Variants in TANC2 observed in about 807,000 individuals in gnomAD.
The protein encoded by TANC2 is protein TANC2.
TANC2 carries 26 observed loss-of-function variants against 210.5 expected under a neutral mutation model. That is an observed-to-expected ratio of 0.12 (90% confidence interval 0.09 to 0.17). The LOEUF is 0.17. TANC2 is among the 10% of genes least tolerant of loss of function. The pLI is 1.00. For missense variants in TANC2, 2,129 were observed against 2,608.9 expected (o/e 0.82, Z 4.01); for synonymous variants, 931 against 967.1 (o/e 0.96, Z 0.69).
chr17:63,200,987 T>TGTCCTA, intron 7 of TANC2, 30 bp downstream of exon 7: 1 of 1,567,658 alleles, frequency 6.4e-7, no homozygotes. Flanking sequence ...GATAATTTTG[T>TGTCCTA]GTCCTTTTTT....
intron 7 of TANC2, among the ~76,000 whole-genome samples, chr17:63,213,964 G>A (rs868441112): frequency 2.0e-5 from 3 of 152,130 alleles, no homozygotes; most frequent in Admixed American, 2.0e-4. Context: ...ACAAGCCAGG[G>A]AAGCAAGCGT....
Position 63,299,534 on chromosome 17 carries a change from CTT to C in TANC2, c.1160-14838_1160-14837del, listed in dbSNP as rs201041332. On this transcript the variant is annotated intron_variant, in intron 9 of 27. Transcript: ENST00000689528. ...TTCTCTAATGGTCAGTGATGTTAAG[CTT>C]TTTTTTTTTTTTTTTGTATGCTTGT... 6.8e-3 allele frequency among the ~76,000 whole-genome samples: 857 copies of C among 126,476 alleles called. 5 individuals carry two copies. The highest frequency in any genetic ancestry group is 0.019 in the African/African-American group (634 of 33,934). 83.0% of individuals were successfully genotyped at this position (126,476 alleles called of 152,430 possible).
intron 10 of TANC2, among the ~76,000 whole-genome samples, chr17:63,316,024 A>T (rs1181516732): frequency 3.3e-5 from 5 of 152,204 alleles, no homozygotes; most frequent in Non-Finnish European, 7.3e-5. Context: ...CCAACACTCA[A>T]ATTGACTAGA....
intron 5 of TANC2, among the ~76,000 whole-genome samples, chr17:63,161,678 T>C (rs1040203325): frequency 6.6e-6 from 1 of 152,190 alleles, no homozygotes; most frequent in Non-Finnish European, 1.5e-5. Flanking sequence ...ACCATAGATA[T>C]CTTCTCTGTG....
At chr17:63,409,402 T>C (rs2147318726) in intron 21 of TANC2, among the ~76,000 whole-genome samples, 1 of 152,212 alleles carries the variant, frequency 6.6e-6, no homozygotes, top group South Asian at 2.1e-4. Context: ...CCCAGGCTGG[T>C]CTCAGATTTC....
At chr17:63,023,490 G>A (rs993706543) in intron 2 of TANC2, among the ~76,000 whole-genome samples, 2 of 152,186 alleles carry the variant, frequency 1.3e-5, no homozygotes, top group African/African-American at 4.8e-5. Context: ...ACAGGAATAT[G>A]CCATTGTGCC....
intron 9 of TANC2, among the ~76,000 whole-genome samples, chr17:63,283,472 CAAA>C (rs200972497): frequency 0.15 from 21,367 of 142,956 alleles, 1,936 homozygotes; most frequent in Middle Eastern, 0.22. Context: ...TAAATTTCTA[CAAA>C]AAAAAAAACT....
intron 14 of TANC2, among the ~76,000 whole-genome samples, chr17:63,359,975 A>C (rs546997441): frequency 3.3e-5 from 5 of 152,316 alleles, no homozygotes; most frequent in Non-Finnish European, 7.3e-5. Context: ...TTAGTAAGTG[A>C]ATTACACGTT....
At chr17:63,070,267 C>G (rs2036349104) in intron 2 of TANC2, among the ~76,000 whole-genome samples, 1 of 152,124 alleles carries the variant, frequency 6.6e-6, no homozygotes, top group Non-Finnish European at 1.5e-5. Flanking sequence ...CTTTTAGTCA[C>G]CTCGCAAGAG....
At chr17:63,393,455 G>C (rs1487479088) in intron 17 of TANC2, 1 of 152,150 alleles carries the variant, frequency 6.6e-6, no homozygotes, top group Non-Finnish European at 1.5e-5. Context: ...GTCCAAAAAG[G>C]CCTCCAATAC....
At chr17:63,409,706 G>T (rs2048630556) in intron 21 of TANC2, among the ~76,000 whole-genome samples, 1 of 152,128 alleles carries the variant, frequency 6.6e-6, no homozygotes, top group Admixed American at 6.5e-5. Context: ...CTACAAACCT[G>T]TACAGCGTAT....
intron 1 of TANC2, among the ~76,000 whole-genome samples, chr17:62,990,980 T>A (rs1339905668): frequency 6.6e-6 from 1 of 151,980 alleles, no homozygotes; most frequent in Non-Finnish European, 1.5e-5. Flanking sequence ...GTGAAAAGGG[T>A]CAGTTGAGAT....
At chr17:63,098,875 A>G (rs1431156955) in intron 3 of TANC2, among the ~76,000 whole-genome samples, 4 of 151,908 alleles carry the variant, frequency 2.6e-5, no homozygotes, top group Non-Finnish European at 2.9e-5. Context: ...AAAAAGTAAG[A>G]TCATTTCTTT....
At chr17:63,077,061 A>G (rs2036595845) in intron 3 of TANC2, among the ~76,000 whole-genome samples, 1 of 152,244 alleles carries the variant, frequency 6.6e-6, no homozygotes, top group Non-Finnish European at 1.5e-5. Context: ...GCTTAGTACA[A>G]TGGATGAAAA....
At chr17:63,206,055 T>G (rs2041700526) in intron 7 of TANC2, among the ~76,000 whole-genome samples, 1 of 152,176 alleles carries the variant, frequency 6.6e-6, no homozygotes, top group South Asian at 2.1e-4. Flanking sequence ...CATAGACGTT[T>G]CTCCAGAGAA....
At chr17:63,066,639 A>G (rs2036208627) in intron 2 of TANC2, among the ~76,000 whole-genome samples, 1 of 152,124 alleles carries the variant, frequency 6.6e-6, no homozygotes, top group Non-Finnish European at 1.5e-5. Flanking sequence ...TAGTGGTAAC[A>G]TCAAGAATTC....
At chr17:63,285,488 T>C (rs2044193103) in intron 9 of TANC2, among the ~76,000 whole-genome samples, 1 of 152,182 alleles carries the variant, frequency 6.6e-6, no homozygotes, top group Non-Finnish European at 1.5e-5. Context: ...ACAATAGTTA[T>C]GTCAGGAGTG....
intron 6 of TANC2, among the ~76,000 whole-genome samples, chr17:63,196,279 G>T (rs891243616): frequency 3.3e-5 from 5 of 152,116 alleles, no homozygotes; most frequent in Admixed American, 6.5e-5. Flanking sequence ...AATAAAAAAT[G>T]GGAACAATAT....
intron 11 of TANC2, among the ~76,000 whole-genome samples, chr17:63,319,312 GAATA>G (rs1281155669): frequency 2.0e-5 from 3 of 152,162 alleles, no homozygotes; most frequent in African/African-American, 7.2e-5. Context: ...GTCTTCTAGT[GAATA>G]AATAAAGAAG....
Sources: allele counts gnomAD v4.1 joint callset (sites outside exome capture counted in the v4.1 genomes callset), GRCh38; gene constraint gnomAD v4.1.1; transcripts MANE v1.5; gene names NCBI Gene and HGNC (gene_info 2026-07-23, HGNC 2026-07-21).